BFSP2: variants seen among roughly 807,000 people sequenced by gnomAD.
BFSP2 encodes phakinin.
BFSP2 carries 38 observed loss-of-function variants against 44.9 expected under a neutral mutation model. The observed-to-expected ratio is 0.85, with a 90% CI of 0.65 to 1.11. The LOEUF (loss-of-function observed/expected upper bound fraction) is 1.11. BFSP2 is among the 50% of genes least tolerant of loss of function. The probability of loss-of-function intolerance (pLI) is 0.00; values close to 1 mark genes in which losing one functional copy is unlikely to be tolerated. For synonymous variants in BFSP2, 197 were observed against 209.9 expected (o/e 0.94, Z 0.53); for missense variants, 525 against 533.0 (o/e 0.99, Z 0.15).
At chr3:133,427,226 G>T (rs1266586515) in intron 1 of BFSP2, among the ~76,000 whole-genome samples, 1 of 152,170 alleles carries the variant, frequency 6.6e-6, no homozygotes, top group Non-Finnish European at 1.5e-5. Context: ...TTGTGCAATT[G>T]CAATGTTCTC....
intron 1 of BFSP2, among the ~76,000 whole-genome samples, chr3:133,446,138 T>C (rs1478208836): frequency 6.6e-6 from 1 of 152,040 alleles, no homozygotes. Context: ...TCAATGAAAA[T>C]GGCAGGGTTT....
At position 133,400,118 on chromosome 3, in the gene BFSP2, C is replaced by A. The variant is rs1186380774; in HGVS notation, c.35C>A (p.Thr12Asn). The A allele has an allele frequency of 5.6e-6, 9 of 1,614,058 alleles. 1 individual carries two copies. In the South Asian group the frequency reaches 8.8e-5, roughly 16 times the overall value. Residue 12 changes from threonine to asparagine, a missense_variant, in exon 1 of 7, where the codon ACC becomes AAC. Physicochemically the swap from Thr to Asn is moderately conservative, Grantham distance 65. Transcript: ENST00000302334. This position sits in a 1 kb window ranked among gnomAD's most constrained non-coding sequence, Gnocchi z 4.0. ...AGGCGAGTGGTAGTGGACTTGCCCACCAGTGCCAGCTCCAGCATGCCCCTC... is the reference window on the plus strand; with the variant it reads ...AGGCGAGTGGTAGTGGACTTGCCCAACAGTGCCAGCTCCAGCATGCCCCTC... ...SERRVVVDLPTSASSSMPLQR... is the reference protein window; with the variant it reads ...SERRVVVDLPNSASSSMPLQR...
At chr3:133,452,463 CA>C (rs2073974455) in intron 4 of BFSP2, among the ~76,000 whole-genome samples, 1 of 152,180 alleles carries the variant, frequency 6.6e-6, no homozygotes, top group Non-Finnish European at 1.5e-5. Context: ...CCCCTCGCCC[CA>C]CCCAACCTGA....
chr3:133,436,905 T>A (rs1281645292), intron 1 of BFSP2, among the ~76,000 whole-genome samples: 3 of 150,524 alleles, frequency 2.0e-5, no homozygotes, highest in Non-Finnish European at 4.4e-5. Context: ...GGTTTCCAGT[T>A]TCATCCATGT....
chr3:133,437,770 C>T (rs6762314), intron 1 of BFSP2, among the ~76,000 whole-genome samples: 9,315 of 152,130 alleles, frequency 0.061, 872 homozygotes, highest in African/African-American at 0.2. Context: ...TACAGGCCTG[C>T]CCTGGAGAGG....
At chr3:133,435,085 G>C (rs907101386) in intron 1 of BFSP2, among the ~76,000 whole-genome samples, 2 of 152,148 alleles carry the variant, frequency 1.3e-5, no homozygotes, top group African/African-American at 4.8e-5. Context: ...TTTAAGATTA[G>C]GAAACAAAAA....
intron 1 of BFSP2, among the ~76,000 whole-genome samples, chr3:133,434,749 G>A (rs1414618978): frequency 6.6e-6 from 1 of 152,014 alleles, no homozygotes; most frequent in Non-Finnish European, 1.5e-5. Context: ...GCTCATCCTG[G>A]CTCAAAAAGC....
intron 4 of BFSP2, among the ~76,000 whole-genome samples, chr3:133,463,878 T>C (rs2074086690): frequency 6.6e-6 from 1 of 152,214 alleles, no homozygotes; most frequent in Non-Finnish European, 1.5e-5. Context: ...TCTGACTGGC[T>C]ACCTATTAGC....
At chr3:133,463,113 A>C (rs2074078998) in intron 4 of BFSP2, among the ~76,000 whole-genome samples, 1 of 152,222 alleles carries the variant, frequency 6.6e-6, no homozygotes. Context: ...TTTCGAGACC[A>C]GCCTGGCCAA....
intron 1 of BFSP2, among the ~76,000 whole-genome samples, chr3:133,438,301 C>T (rs759145068): frequency 3.3e-5 from 5 of 152,156 alleles, no homozygotes; most frequent in South Asian, 2.1e-4. Flanking sequence ...CCAAGGCAGG[C>T]GGATCACCTG....
At chr3:133,450,946 C>T (rs771231683) in intron 4 of BFSP2, among the ~76,000 whole-genome samples, 16 of 151,990 alleles carry the variant, frequency 1.1e-4, no homozygotes, top group Non-Finnish European at 2.1e-4. Context: ...ACTGTCTCTA[C>T]TAAAAATACA....
At chr3:133,426,150 T>G (rs1576570364) in intron 1 of BFSP2, among the ~76,000 whole-genome samples, 1 of 151,980 alleles carries the variant, frequency 6.6e-6, no homozygotes, top group Admixed American at 6.5e-5. Context: ...GGATTCCTCT[T>G]AGACTCCCCT....
chr3:133,433,559 G>A (rs1195448672), intron 1 of BFSP2, among the ~76,000 whole-genome samples: 3 of 152,146 alleles, frequency 2.0e-5, no homozygotes, highest in East Asian at 1.9e-4. Context: ...TCTTAGTCTA[G>A]GTAGACACTT....
intron 6 of BFSP2, among the ~76,000 whole-genome samples, chr3:133,472,964 T>TG (rs1242702200): frequency 2.0e-5 from 3 of 151,908 alleles, no homozygotes; most frequent in African/African-American, 7.3e-5. Flanking sequence ...TTTTTTTTTT[T>TG]TGGATACAGG....
intron 4 of BFSP2, among the ~76,000 whole-genome samples, chr3:133,462,772 A>G (rs1287361881): frequency 6.6e-6 from 1 of 152,224 alleles, no homozygotes; most frequent in African/African-American, 2.4e-5. Flanking sequence ...AAAATTCACC[A>G]ACCATTTTTT....
chr3:133,432,217 G>T (rs963520652), intron 1 of BFSP2, among the ~76,000 whole-genome samples: 15 of 152,256 alleles, frequency 9.9e-5, no homozygotes, highest in Middle Eastern at 3.4e-3. Flanking sequence ...CATTTTACCT[G>T]TCCAAAAACC....
At chr3:133,457,910 G>A (rs2074026766) in intron 4 of BFSP2, among the ~76,000 whole-genome samples, 1 of 152,200 alleles carries the variant, frequency 6.6e-6, no homozygotes, top group South Asian at 2.1e-4. Flanking sequence ...GGCACTGAGG[G>A]TGGTTTCCAA....
At chr3:133,417,206 C>T (rs558976977) in intron 1 of BFSP2, among the ~76,000 whole-genome samples, 11 of 134,220 alleles carry the variant, frequency 8.2e-5, no homozygotes, top group South Asian at 2.6e-4. Flanking sequence ...CTAGTCACCC[C>T]GCCTCTCCCC....
intron 4 of BFSP2, among the ~76,000 whole-genome samples, chr3:133,464,695 G>T (rs1214082040): frequency 6.6e-6 from 1 of 152,054 alleles, no homozygotes; most frequent in Non-Finnish European, 1.5e-5. Context: ...GATTCTAAAG[G>T]CTTCAGCATG....
Sources: allele counts gnomAD v4.1 joint callset (sites outside exome capture counted in the v4.1 genomes callset), GRCh38; gene constraint gnomAD v4.1.1; non-coding constraint Gnocchi (gnomAD v3.1); transcripts MANE v1.5; gene names NCBI Gene and HGNC (gene_info 2026-07-23, HGNC 2026-07-21).